CYFIP2: variants seen among roughly 807,000 people sequenced by gnomAD.
CYFIP2 encodes cytoplasmic FMR1 interacting protein 2.
In CYFIP2, 29 loss-of-function variants were observed where a neutral mutation model predicts 158.7. The ratio of observed to expected loss-of-function variants is 0.18; its 90% CI spans 0.14 to 0.25. CYFIP2 has a LOEUF of 0.25. Ranked by LOEUF, CYFIP2 falls within the 10% of genes least tolerant of loss-of-function variation. The pLI is 1.00. For missense variants in CYFIP2, 852 were observed against 1,639.5 expected (o/e 0.52, Z 8.29); for synonymous variants, 585 against 617.6 (o/e 0.95, Z 0.78).
intron 14 of CYFIP2, 150 bp from the exon 15 acceptor site, chr5:157,320,505 G>C (rs977704664): frequency 9.7e-7 from 1 of 1,035,380 alleles, no homozygotes; most frequent in African/African-American, 1.6e-5. Flanking sequence ...CAGAGTTTTG[G>C]AATTGGGGCA....
At chr5:157,338,784 C>A (rs1762038373) in intron 21 of CYFIP2, among the ~76,000 whole-genome samples, 1 of 152,226 alleles carries the variant, frequency 6.6e-6, no homozygotes, top group African/African-American at 2.4e-5. Flanking sequence ...GGTCTATGGT[C>A]TCCTTCCAGG....
At chr5:157,294,465 A>G (rs927386621) in intron 3 of CYFIP2, among the ~76,000 whole-genome samples, 7 of 152,116 alleles carry the variant, frequency 4.6e-5, no homozygotes, top group African/African-American at 1.7e-4. Flanking sequence ...TCTTGCTAAC[A>G]TTATATCTGG....
chr5:157,324,992 A>T (rs1760905786), intron 16 of CYFIP2: 1 of 151,354 alleles, frequency 6.6e-6, no homozygotes, highest in East Asian at 1.9e-4. Context: ...TTTTTAATTT[A>T]TTATTATTAT....
At chr5:157,284,623 T>G (rs1757232789) in intron 1 of CYFIP2, among the ~76,000 whole-genome samples, 1 of 152,260 alleles carries the variant, frequency 6.6e-6, no homozygotes, top group Non-Finnish European at 1.5e-5. Flanking sequence ...GTAACTGTGC[T>G]GTTCAGATTC....
At chr5:157,384,518 C>G (rs1010945429) in intron 28 of CYFIP2, 1 of 456,316 alleles carries the variant, frequency 2.2e-6, no homozygotes, top group Non-Finnish European at 4.4e-6. Flanking sequence ...GGCCTCTCTT[C>G]TGGCAAAACA....
At chr5:157,372,615 G>C (rs1765095624) in intron 26 of CYFIP2, among the ~76,000 whole-genome samples, 1 of 152,024 alleles carries the variant, frequency 6.6e-6, no homozygotes. Flanking sequence ...ATCTATTCTT[G>C]GTAACATATA....
intron 23 of CYFIP2, chr5:157,343,108 C>A: frequency 6.2e-7 from 1 of 1,614,160 alleles, no homozygotes; most frequent in Non-Finnish European, 8.5e-7. Context: ...AAGACCATCG[C>A]GGCTCATGGC....
chr5:157,374,818 C>G (rs1031449574), intron 26 of CYFIP2, among the ~76,000 whole-genome samples: 1 of 152,214 alleles, frequency 6.6e-6, no homozygotes, highest in Admixed American at 6.5e-5. Flanking sequence ...TATTTCCTGT[C>G]TGTAAATTTG....
At chr5:157,381,910 C>CT (rs1377342347) in intron 26 of CYFIP2, among the ~76,000 whole-genome samples, 2 of 150,632 alleles carry the variant, frequency 1.3e-5, no homozygotes, top group Non-Finnish European at 2.9e-5. Context: ...GACTCCTTCC[C>CT]TCCCCTTTGT....
chr5:157,312,424 C>T lies in CYFIP2; in HGVS notation c.1110+643C>T, dbSNP rs114132956. On this transcript the variant is annotated intron_variant, in intron 11 of 30. Coordinates refer to ENST00000620254, the MANE Select transcript of CYFIP2 (RefSeq NM_001037333.3). Reference sequence around the variant, plus strand: ...AAAATCACATAAAATCCTACCATCCCAGAACCAACTAAGACTGGTATTTGG... The same window carrying T: ...AAAATCACATAAAATCCTACCATCCTAGAACCAACTAAGACTGGTATTTGG... 5.4e-3 allele frequency among the ~76,000 whole-genome samples: 822 copies of T among 152,022 alleles called. 6 individuals are homozygous for T. The highest frequency in any genetic ancestry group is 0.019 in the African/African-American group (769 of 41,456).
intron 26 of CYFIP2, among the ~76,000 whole-genome samples, chr5:157,380,833 T>G (rs1279057787): frequency 6.6e-6 from 1 of 152,204 alleles, no homozygotes; most frequent in Non-Finnish European, 1.5e-5. Context: ...GGTTATATGA[T>G]GAATCAAAGG....
intron 29 of CYFIP2, among the ~76,000 whole-genome samples, chr5:157,390,135 C>T (rs1767127632): frequency 6.6e-6 from 1 of 152,336 alleles, no homozygotes; most frequent in South Asian, 2.1e-4. Context: ...AATGGCCCCT[C>T]ACCTGCTAGG....
At chr5:157,322,206 C>T (rs760409579) in intron 15 of CYFIP2, among the ~76,000 whole-genome samples, 8 of 152,116 alleles carry the variant, frequency 5.3e-5, no homozygotes, top group African/African-American at 1.4e-4. Flanking sequence ...CCCTCTCTTG[C>T]GGATGGGGAA....
At chr5:157,320,631 A>C in intron 14 of CYFIP2, 24 bp from the exon 15 acceptor site, 1 of 1,613,610 alleles carries the variant, frequency 6.2e-7, no homozygotes, top group South Asian at 1.1e-5. Context: ...AACCTGGTCT[A>C]AGTCTTAGTT....
intron 25 of CYFIP2, among the ~76,000 whole-genome samples, chr5:157,360,851 T>C (rs1233323190): frequency 6.6e-6 from 1 of 152,198 alleles, no homozygotes; most frequent in East Asian, 1.9e-4. Flanking sequence ...AAACAGGGCC[T>C]GGAGAAGAGG....
intron 23 of CYFIP2, among the ~76,000 whole-genome samples, chr5:157,347,893 C>T (rs1762806873): frequency 1.3e-5 from 2 of 152,228 alleles, no homozygotes; most frequent in South Asian, 2.1e-4. Context: ...GCCCCAGACT[C>T]GGAGGCGGAG....
intron 30 of CYFIP2, among the ~76,000 whole-genome samples, chr5:157,391,306 C>T: frequency 6.6e-6 from 1 of 152,154 alleles, no homozygotes; most frequent in Non-Finnish European, 1.5e-5. Flanking sequence ...AAAAAATACA[C>T]ATAAAATAGT....
intron 23 of CYFIP2, among the ~76,000 whole-genome samples, chr5:157,346,932 G>T (rs912473461): frequency 2.6e-5 from 4 of 152,158 alleles, no homozygotes; most frequent in Non-Finnish European, 4.4e-5. Flanking sequence ...GTCTGGCTTT[G>T]AGGTTCCATC....
At position 157,319,880 on chromosome 5, in the gene CYFIP2, G is replaced by A. The variant is rs755329609; in HGVS notation, c.1475G>A (p.Arg492His). 1 of 1,614,060 alleles carries A rather than the reference G, an allele frequency of 6.2e-7. No individual in the cohort carries two copies. Residue 492 changes from arginine to histidine, a missense_variant, in exon 14 of 31, where the codon CGT becomes CAT. By Grantham distance (29) the Arg-to-His change is conservative. This residue lies in a region of CYFIP2 where 167 missense variants were observed against 343.3 expected (regional missense o/e 0.49). Transcript: ENST00000620254. ...CAGGACTTCGCCCAGGTGACGCTGC[G>A]TGAGCCCCTGCGGCAGGCGGTACGG... The part of the protein sequence containing the change: ...ALQDFAQVTL[R>H]EPLRQAVRKK...
Sources: gnomAD v4.1 joint callset for allele counts (sites outside exome capture counted in the v4.1 genomes callset) on GRCh38, gnomAD v4.1.1 for gene constraint, gnomAD v4.1.1 regional missense constraint, MANE v1.5 for transcripts, NCBI Gene and HGNC (gene_info 2026-07-23, HGNC 2026-07-21) for gene names.